Variants in OSBP2 observed in about 807,000 individuals in gnomAD.
OSBP2 encodes the protein oxysterol-binding protein 2.
Under a neutral mutation model 96.0 loss-of-function variants are expected in OSBP2, and 66 were observed. That is an observed-to-expected ratio of 0.69 (90% CI 0.56 to 0.84). The LOEUF (loss-of-function observed/expected upper bound fraction) is 0.84. OSBP2 is among the 40% of genes least tolerant of loss of function. The pLI is 0.00. For synonymous variants in OSBP2, 525 were observed against 520.9 expected, an observed-to-expected ratio of 1.01 and a Z score of -0.11; for missense variants, 1,038 against 1,222.7, an observed-to-expected ratio of 0.85 and a Z score of 2.25.
chr22:30,747,027 A>C (rs538861145), intron 2 of OSBP2, among the ~76,000 whole-genome samples: 1 of 152,208 alleles, frequency 6.6e-6, no homozygotes, highest in Non-Finnish European at 1.5e-5. Flanking sequence ...ACCAAAAAAC[A>C]AACAATGTAG....
intron 2 of OSBP2, among the ~76,000 whole-genome samples, chr22:30,751,689 G>A (rs562566961): frequency 2.0e-5 from 3 of 152,172 alleles, no homozygotes; most frequent in Admixed American, 6.5e-5. Context: ...GACTCTTTTC[G>A]TTGACACCCA....
At chr22:30,725,521 A>C (rs904459601) in intron 1 of OSBP2, among the ~76,000 whole-genome samples, 4 of 147,970 alleles carry the variant, frequency 2.7e-5, no homozygotes, top group Non-Finnish European at 6.0e-5. Context: ...CCCCTCCACC[A>C]AAAAACAAAA....
rs565524494 is a variant in OSBP2 at position 30,790,103 on chromosome 22, A to T, written c.853+48734A>T. Among the ~76,000 whole-genome samples the T allele has an allele frequency of 6.6e-4, 100 of 152,306 alleles. 1 individual carries two copies. The South Asian group carries it at 0.011, about 17-fold the overall frequency. The stretch of plus-strand genomic sequence containing the variant: ...GGAGGATGCAGCCCCTTGGGTCAGC[A>T]GATGGGTTTTGTTGGAGTGGCCCAT... On this transcript the variant is annotated intron_variant, in intron 2 of 13. Coordinates refer to ENST00000332585, the MANE Select transcript of OSBP2 (RefSeq NM_030758.4).
At chr22:30,710,030 G>A (rs183315177) in intron 1 of OSBP2, among the ~76,000 whole-genome samples, 1 of 152,190 alleles carries the variant, frequency 6.6e-6, no homozygotes, top group Non-Finnish European at 1.5e-5. Context: ...TTATGGGCAT[G>A]TACCACCATG....
At position 30,881,960 on chromosome 22, in the gene OSBP2, C is replaced by G. The variant is rs1313921014; in HGVS notation, c.1108-5466C>G. Among the ~76,000 whole-genome samples the G allele has an allele frequency of 6.6e-6, 1 of 152,172 alleles. No individual in the cohort carries two copies. The highest frequency in any genetic ancestry group is 2.4e-5 in the African/African-American group (1 of 41,432). On this transcript the variant is annotated intron_variant, in intron 3 of 13. Transcript: ENST00000332585. The surrounding 1 kb of genome is among the most constrained non-coding windows in gnomAD (Gnocchi z 4.5). ...TTCACCCTGCCCCGCTTTTAGGTGA[C>G]TGTGACACTCTACGACCTGCATGTG...
Position 30,889,215 on chromosome 22 carries a change from A to G in OSBP2, c.1457A>G (p.Asp486Gly), listed in dbSNP as rs1321322922. ...GGTAGCACCGGGACAAGTTCCGTGG[A>G]CTGGAGCTCAGCAGACAATGTAAGT... ...AEGSTGTSSVDWSSADNVLDG... is the reference protein window; with the variant it reads ...AEGSTGTSSVGWSSADNVLDG... The change falls in exon 6 of 14, where the codon GAC (aspartate) becomes GGC (glycine). Residue 486 changes from aspartate to glycine, a missense_variant. Transcript: ENST00000332585. 2 of 1,613,276 alleles carry G rather than the reference A, an allele frequency of 1.2e-6. No individual in the cohort carries two copies. Among genetic ancestry groups the G allele is most frequent in the South Asian group, 2.2e-5 (2 of 91,020 alleles).
chr22:30,768,198 G>C (rs2090301723), intron 2 of OSBP2, among the ~76,000 whole-genome samples: 4 of 152,126 alleles, frequency 2.6e-5, no homozygotes, highest in African/African-American at 9.7e-5. Context: ...TTTCACCCTG[G>C]GGGTGACAGC....
At chr22:30,811,500 C>T (rs1395125988) in intron 2 of OSBP2, among the ~76,000 whole-genome samples, 1 of 151,408 alleles carries the variant, frequency 6.6e-6, no homozygotes, top group African/African-American at 2.4e-5. Flanking sequence ...CATGCACCAC[C>T]ATGCGTGGCT....
chr22:30,872,479 A>G, intron 3 of OSBP2: 1 of 418,078 alleles, frequency 2.4e-6, no homozygotes, highest in Non-Finnish European at 4.8e-6. Flanking sequence ...CGAAGCCATC[A>G]GAACAGCTCC....
chr22:30,728,119 G>A (rs1384931693), intron 1 of OSBP2, among the ~76,000 whole-genome samples: 3 of 151,182 alleles, frequency 2.0e-5, no homozygotes, highest in Admixed American at 6.6e-5. Flanking sequence ...ATAAAGGGCC[G>A]GGCACGGTGG....
intron 1 of OSBP2, among the ~76,000 whole-genome samples, chr22:30,696,157 C>T (rs527354115): frequency 5.9e-5 from 9 of 152,268 alleles, no homozygotes; most frequent in Non-Finnish European, 1.0e-4. Flanking sequence ...TTTTGCTGCC[C>T]TCCTTTCTTA....
Position 30,735,728 on chromosome 22 carries a change from T to G in OSBP2, c.645-5433T>G, listed in dbSNP as rs760440009. Reference sequence around the variant, plus strand: ...TCTTCTTCTTCTTCTTCTTCTTTTTTTCTTTTAGAGACAGAGTCTCATCTC... The same window carrying G: ...TCTTCTTCTTCTTCTTCTTCTTTTTGTCTTTTAGAGACAGAGTCTCATCTC... On this transcript the variant is annotated intron_variant, in intron 1 of 13. Transcript: ENST00000332585. 7.5e-4 allele frequency among the ~76,000 whole-genome samples: 114 copies of G among 152,048 alleles called. 1 individual carries two copies. Among genetic ancestry groups the G allele is most frequent in the Non-Finnish European group, 1.4e-3 (97 of 68,028 alleles).
rs1322730212 is a variant in OSBP2, at chr22:30,764,412, C to T, written c.853+23043C>T. Reference sequence around the variant, plus strand: ...TAACAGGTAGGACTTGGAAGAATTTCCTCCTGTTCCTGTTGGGTGTGATCC... The same window carrying T: ...TAACAGGTAGGACTTGGAAGAATTTTCTCCTGTTCCTGTTGGGTGTGATCC... On this transcript the variant is annotated intron_variant, in intron 2 of 13. Coordinates refer to ENST00000332585, the MANE Select transcript of OSBP2 (RefSeq NM_030758.4). 3.0e-6 allele frequency: 3 copies of T among 984,534 alleles called. No homozygotes were observed. The African/African-American group carries it at 5.2e-5, about 17-fold the overall frequency. The allele number at this position is 984,534 out of a possible 1,614,324, so 61.0% of individuals were successfully genotyped here. A position where few individuals can be genotyped will look rare whatever the true frequency, so the allele number is the denominator to read the frequency against.
intron 2 of OSBP2, among the ~76,000 whole-genome samples, chr22:30,791,543 T>A (rs143421173): frequency 1.1e-3 from 171 of 151,758 alleles, no homozygotes; most frequent in Middle Eastern, 0.01. Flanking sequence ...GCCAGGCTGG[T>A]CTCAAACTCC....
intron 2 of OSBP2, among the ~76,000 whole-genome samples, chr22:30,831,374 C>T (rs992517840): frequency 1.3e-5 from 2 of 152,202 alleles, no homozygotes; most frequent in African/African-American, 4.8e-5. Flanking sequence ...GTCAGCTGCA[C>T]TGTCTCCTGC....
intron 1 of OSBP2, among the ~76,000 whole-genome samples, chr22:30,718,743 C>T (rs2089500432): frequency 6.6e-6 from 1 of 152,124 alleles, no homozygotes; most frequent in African/African-American, 2.4e-5. Flanking sequence ...TGCTTGTCTC[C>T]CCCTTTTTTT....
chr22:30,904,300 C>A (rs763080645), intron 12 of OSBP2, among the ~76,000 whole-genome samples: 12 of 152,220 alleles, frequency 7.9e-5, no homozygotes, highest in Non-Finnish European at 1.3e-4. Flanking sequence ...TTCCTTCCAC[C>A]TGTCAGCTTC....
chr22:30,893,289 T>C (rs1196197502), intron 9 of OSBP2, 47 bp downstream of exon 9: 33 of 1,612,736 alleles, frequency 2.0e-5, no homozygotes, highest in Non-Finnish European at 2.7e-5. Flanking sequence ...ACATTGTGCA[T>C]AAGAGGGAGG....
intron 2 of OSBP2, among the ~76,000 whole-genome samples, chr22:30,749,700 C>T (rs969060469): frequency 1.3e-5 from 2 of 152,122 alleles, no homozygotes; most frequent in Non-Finnish European, 2.9e-5. Flanking sequence ...CTCCGCCTCC[C>T]AGGTTCAAGC....
Sources: gnomAD v4.1 joint callset for allele counts (sites outside exome capture counted in the v4.1 genomes callset) on GRCh38, gnomAD v4.1.1 for gene constraint, Gnocchi (gnomAD v3.1) non-coding constraint, MANE v1.5 for transcripts, NCBI Gene and HGNC (gene_info 2026-07-23, HGNC 2026-07-21) for gene names.